AKIRIN2: variants seen among roughly 807,000 people sequenced by gnomAD.
The protein encoded by AKIRIN2 is akirin 2, also known as akirin-2.
AKIRIN2 carries 6 observed loss-of-function variants against 29.3 expected under a neutral mutation model. The ratio of observed to expected loss-of-function variants is 0.20; its 90% CI spans 0.11 to 0.40. The LOEUF is 0.40. AKIRIN2 is among the 10% of genes least tolerant of loss of function. The pLI is 1.00. For synonymous variants in AKIRIN2, 128 were observed against 117.5 expected, an observed-to-expected ratio of 1.09 and a Z score of -0.58; for missense variants, 210 against 276.1, an observed-to-expected ratio of 0.76 and a Z score of 1.70.
chr6:87,681,770 TAA>T lies in AKIRIN2; in HGVS notation c.236-9_236-8del, dbSNP rs768086157. On this transcript the variant is annotated splice_region_variant and splice_polypyrimidine_tract_variant and intron_variant, in intron 1 of 4. Transcript: ENST00000257787. ...ATGTTGTACAGAATTTGTTCTAAAA[TAA>T]AAAAGTTAAAATTTGGCAAGATAAA... is the stretch of plus-strand genomic sequence containing the variant. 3 of 1,557,200 alleles carry T rather than the reference TAA, an allele frequency of 1.9e-6. No homozygotes were observed. The highest frequency in any genetic ancestry group is 2.6e-6 in the Non-Finnish European group (3 of 1,155,398).
intron 1 of AKIRIN2, among the ~76,000 whole-genome samples, chr6:87,687,446 A>AAAAAAC (rs1235957250): frequency 6.0e-5 from 9 of 150,998 alleles, no homozygotes; most frequent in South Asian, 2.1e-4. Flanking sequence ...TTTCAAAAAA[A>AAAAAAC]AAAAAAAAAA....
At position 87,675,270 on chromosome 6, in the gene AKIRIN2, T is replaced by C. The variant is rs1770948106; in HGVS notation, c.*327A>G. On this transcript the variant is annotated 3_prime_UTR_variant, in exon 5 of 5. Transcript: ENST00000257787. ...TTCATCTGAAGTGTCATTCTACAGT[T>C]TTATTTACACAACCAGTGAAGGGCA... 2 of 350,116 alleles carry C rather than the reference T, an allele frequency of 5.7e-6. No individual in the cohort carries two copies. The highest frequency in any genetic ancestry group is 1.1e-5 in the Non-Finnish European group (2 of 190,192). 21.7% of individuals were successfully genotyped at this position (350,116 alleles called of 1,614,324 possible).
At chr6:87,694,799 G>A (rs1272326186) in intron 1 of AKIRIN2, among the ~76,000 whole-genome samples, 1 of 152,042 alleles carries the variant, frequency 6.6e-6, no homozygotes, top group Non-Finnish European at 1.5e-5. Context: ...ACCCAACAAA[G>A]CCTACCATCA....
intron 1 of AKIRIN2, among the ~76,000 whole-genome samples, chr6:87,692,173 T>G (rs1478587958): frequency 6.6e-6 from 1 of 152,232 alleles, no homozygotes; most frequent in Admixed American, 6.5e-5. Context: ...AAACTGTGAT[T>G]TGATGGCAAC....
intron 1 of AKIRIN2, among the ~76,000 whole-genome samples, chr6:87,689,496 T>A (rs983187596): frequency 1.3e-5 from 2 of 151,984 alleles, no homozygotes; most frequent in African/African-American, 4.8e-5. Flanking sequence ...AAAGCATACC[T>A]GGAACCAGGA....
At chr6:87,699,249 A>G (rs1240703483) in intron 1 of AKIRIN2, among the ~76,000 whole-genome samples, 1 of 152,216 alleles carries the variant, frequency 6.6e-6, no homozygotes, top group Non-Finnish European at 1.5e-5. Flanking sequence ...TGATACCTGC[A>G]CAACACTGCA....
intron 1 of AKIRIN2, among the ~76,000 whole-genome samples, chr6:87,699,891 T>TCAAA (rs1367200434): frequency 2.6e-5 from 4 of 152,228 alleles, no homozygotes; most frequent in Non-Finnish European, 5.9e-5. Flanking sequence ...GTATTGCTGG[T>TCAAA]TAGCTCCTTA....
chr6:87,689,980 G>A (rs1453617964), intron 1 of AKIRIN2, among the ~76,000 whole-genome samples: 3 of 152,176 alleles, frequency 2.0e-5, no homozygotes, highest in African/African-American at 7.2e-5. Flanking sequence ...GGGAGGCCAA[G>A]GCAGTTGGTC....
Position 87,675,324 on chromosome 6 carries a change from T to C in AKIRIN2, c.*273A>G, listed in dbSNP as rs2128299869. 1 of 498,706 alleles carries C rather than the reference T, an allele frequency of 2.0e-6. No homozygotes were observed. Among genetic ancestry groups the C allele is most frequent in the Admixed American group, 3.4e-5 (1 of 29,252 alleles). The allele number at this position is 498,706 out of a possible 1,614,324, so 30.9% of individuals were successfully genotyped here. A position where few individuals can be genotyped will look rare whatever the true frequency, so the allele number is the denominator to read the frequency against. Reference sequence around the variant, plus strand: ...TCTAGAATACCAGCTTTAATCCTTTTCAAACATTAATATAAGAAGCCAAAT... The same window carrying C: ...TCTAGAATACCAGCTTTAATCCTTTCCAAACATTAATATAAGAAGCCAAAT... On this transcript the variant is annotated 3_prime_UTR_variant, in exon 5 of 5. Transcript: ENST00000257787.
chr6:87,696,628 G>A (rs968064670), intron 1 of AKIRIN2, among the ~76,000 whole-genome samples: 1 of 149,818 alleles, frequency 6.7e-6, no homozygotes, highest in African/African-American at 2.5e-5. Flanking sequence ...GTGAACCCGG[G>A]AGGCAGAGCT....
At chr6:87,697,159 C>A (rs2754264) in intron 1 of AKIRIN2, among the ~76,000 whole-genome samples, 94,680 of 151,268 alleles carry the variant, frequency 0.63, 30,956 homozygotes, top group African/African-American at 0.82. Flanking sequence ...AAATACAAAA[C>A]AAAATCAGCC....
Position 87,681,690 on chromosome 6 carries a change from T to C in AKIRIN2, c.309A>G (p.Gln103=). The C allele has an allele frequency of 6.2e-7, 1 of 1,613,576 alleles. No individual in the cohort carries two copies. The highest frequency in any genetic ancestry group is 8.5e-7 in the Non-Finnish European group (1 of 1,179,680). The change falls in exon 2 of 5, where the codon CAA becomes CAG. Residue 103 remains glutamine, a synonymous_variant. Coordinates refer to ENST00000257787, the MANE Select transcript of AKIRIN2 (RefSeq NM_018064.4). ...QKRRHLETSF[Q]QTDPCCTSDA... Reference sequence around the variant, plus strand: ...CAGAAGTACAACACGGATCTGTCTGTTGGAAACTCGTTTCTAAATGTCTTC... The same window carrying C: ...CAGAAGTACAACACGGATCTGTCTGCTGGAAACTCGTTTCTAAATGTCTTC...
chr6:87,702,126 G>C lies in AKIRIN2; in HGVS notation c.-442C>G, dbSNP rs1232514209. ...CGCGGCTCCTAATACGCCCGAGTAC[G>C]GTCAGTAGCTTGCGAGCGGCGATCG... On this transcript the variant is annotated 5_prime_UTR_variant, in exon 1 of 5. Transcript: ENST00000257787. 7.5e-6 allele frequency: 3 copies of C among 399,042 alleles called. No homozygotes were observed. Among genetic ancestry groups the C allele is most frequent in the East Asian group, 7.1e-5 (2 of 28,084 alleles). The allele number at this position is 399,042 out of a possible 1,614,324, so 24.7% of individuals were successfully genotyped here. A position where few individuals can be genotyped will look rare whatever the true frequency, so the allele number is the denominator to read the frequency against.
At chr6:87,678,410 G>C (rs1771061936) in intron 2 of AKIRIN2, among the ~76,000 whole-genome samples, 1 of 151,766 alleles carries the variant, frequency 6.6e-6, no homozygotes, top group East Asian at 1.9e-4. Flanking sequence ...GCTGAGGCAG[G>C]AGAATCACTT....
chr6:87,676,335 G>A (rs190151174), intron 3 of AKIRIN2, among the ~76,000 whole-genome samples: 1,913 of 148,932 alleles, frequency 0.013, 47 homozygotes, highest in African/African-American at 0.045. Flanking sequence ...CATGGTGGCA[G>A]GCCGCCTGTA....
chr6:87,696,382 G>A (rs562083906), intron 1 of AKIRIN2, among the ~76,000 whole-genome samples: 1 of 151,896 alleles, frequency 6.6e-6, no homozygotes, highest in Non-Finnish European at 1.5e-5. Flanking sequence ...CTGTGCTCAA[G>A]TTAGGCTTTA....
intron 1 of AKIRIN2, among the ~76,000 whole-genome samples, chr6:87,689,113 A>C (rs1771236674): frequency 6.6e-6 from 1 of 152,198 alleles, no homozygotes; most frequent in South Asian, 2.1e-4. Flanking sequence ...GCAGAGACTG[A>C]GAAGGCAGAC....
At chr6:87,692,739 G>A (rs142903935) in intron 1 of AKIRIN2, among the ~76,000 whole-genome samples, 3,835 of 152,236 alleles carry the variant, frequency 0.025, 80 homozygotes, top group Non-Finnish European at 0.042. Flanking sequence ...TTGAACCCAG[G>A]AGGCAGATTG....
chr6:87,701,325 A>T, intron 1 of AKIRIN2, 125 bp downstream of exon 1: 3 of 989,604 alleles, frequency 3.0e-6, no homozygotes, highest in Non-Finnish European at 4.2e-6. Context: ...TGGCTGCCCT[A>T]CTACTTTGCT....
Sources: allele counts gnomAD v4.1 joint callset (sites outside exome capture counted in the v4.1 genomes callset), GRCh38; gene constraint gnomAD v4.1.1; transcripts MANE v1.5; gene names NCBI Gene and HGNC (gene_info 2026-07-23, HGNC 2026-07-21).